Variants in PGM2 observed in about 807,000 individuals in gnomAD.
PGM2 encodes phosphopentomutase.
A neutral mutation model predicts 74.6 loss-of-function variants in PGM2; 57 were observed. That is an observed-to-expected ratio of 0.76 (90% confidence interval 0.62 to 0.95). The LOEUF is 0.95. Ranked by LOEUF, PGM2 falls within the 40% of genes least tolerant of loss-of-function variation. PGM2 has a pLI of 0.00. For synonymous variants in PGM2, 273 were observed against 260.7 expected, an observed-to-expected ratio of 1.05 and a Z score of -0.46; for missense variants, 706 against 741.9, an observed-to-expected ratio of 0.95 and a Z score of 0.56.
intron 2 of PGM2, among the ~76,000 whole-genome samples, chr4:37,832,236 A>G (rs965659578): frequency 6.6e-6 from 1 of 152,238 alleles, no homozygotes; most frequent in African/African-American, 2.4e-5. Flanking sequence ...TGAAGAGTTA[A>G]GAAAGTTTTA....
At chr4:37,837,015 T>C (rs1485589865) in intron 3 of PGM2, among the ~76,000 whole-genome samples, 2 of 152,226 alleles carry the variant, frequency 1.3e-5, no homozygotes, top group Non-Finnish European at 2.9e-5. Context: ...ACTGTTGACA[T>C]GTGACTGCAC....
chr4:37,843,004 T>C (rs750434351), intron 6 of PGM2, among the ~76,000 whole-genome samples: 2 of 152,086 alleles, frequency 1.3e-5, no homozygotes, highest in Non-Finnish European at 1.5e-5. Flanking sequence ...TGCCAGTAAA[T>C]TCTGGTATAT....
rs138782294 is a variant in PGM2, at chr4:37,850,236, A to G, written c.1465A>G (p.Thr489Ala). 99 of 1,583,174 alleles carry G rather than the reference A, an allele frequency of 6.3e-5. No individual in the cohort carries two copies. In the African/African-American group the frequency reaches 1.2e-3, roughly 19 times the overall value. The change falls in exon 12 of 14, where the codon ACC becomes GCC. Residue 489 changes from threonine to alanine, a missense_variant. Coordinates refer to ENST00000381967, the MANE Select transcript of PGM2 (RefSeq NM_018290.4). ...ASYFICHDQE[T>A]IKKLFENLRN... The stretch of plus-strand genomic sequence containing the variant: ...CTATTTTATCTGCCATGATCAAGAA[A>G]CCATTAAGAAATTATTTGAAAACCT...
chr4:37,828,162 T>C (rs1407714108), intron 1 of PGM2, among the ~76,000 whole-genome samples: 1 of 152,176 alleles, frequency 6.6e-6, no homozygotes, highest in Non-Finnish European at 1.5e-5. Flanking sequence ...GATAACCTTG[T>C]GATTCACAAG....
intron 10 of PGM2, among the ~76,000 whole-genome samples, chr4:37,848,019 T>G (rs955906450): frequency 6.6e-6 from 1 of 152,230 alleles, no homozygotes; most frequent in African/African-American, 2.4e-5. Flanking sequence ...TTCCGTAGCT[T>G]TTTATTTTAA....
At chr4:37,842,631 G>T (rs761584372) in intron 6 of PGM2, among the ~76,000 whole-genome samples, 1 of 149,060 alleles carries the variant, frequency 6.7e-6, no homozygotes, top group Non-Finnish European at 1.5e-5. Context: ...TTATATATCA[G>T]ATAACTGCTG....
intron 3 of PGM2, among the ~76,000 whole-genome samples, chr4:37,836,881 G>GTGTGTC (rs1443807989): frequency 6.6e-6 from 1 of 151,780 alleles, no homozygotes; most frequent in Non-Finnish European, 1.5e-5. Flanking sequence ...GTGTGTGTGT[G>GTGTGTC]TATACACACA....
At chr4:37,858,106 T>C (rs1028213653) in intron 13 of PGM2, among the ~76,000 whole-genome samples, 2 of 152,196 alleles carry the variant, frequency 1.3e-5, no homozygotes, top group Non-Finnish European at 2.9e-5. Context: ...TTTAAGGCTT[T>C]ATGGTATTAA....
intron 4 of PGM2, among the ~76,000 whole-genome samples, chr4:37,837,828 T>C (rs1725606660): frequency 6.6e-6 from 1 of 152,216 alleles, no homozygotes; most frequent in Non-Finnish European, 1.5e-5. Flanking sequence ...GGAATTGGTT[T>C]TTTTAAATTG....
intron 12 of PGM2, among the ~76,000 whole-genome samples, chr4:37,854,242 G>A (rs1183937734): frequency 6.6e-6 from 1 of 152,010 alleles, no homozygotes; most frequent in Non-Finnish European, 1.5e-5. Context: ...ATGGAGTTTT[G>A]GGACCTATCA....
chr4:37,839,706 T>C, intron 4 of PGM2, 142 bp from the exon 5 acceptor site: 1 of 698,090 alleles, frequency 1.4e-6, no homozygotes. Flanking sequence ...TGCTGGGGTG[T>C]GGCTCAAAAA....
At position 37,826,700 on chromosome 4, in the gene PGM2, G is replaced by T; in HGVS notation, c.-33G>T. 1 of 1,518,170 alleles carries T rather than the reference G, an allele frequency of 6.6e-7. No individual in the cohort carries two copies. Among genetic ancestry groups the T allele is most frequent in the Non-Finnish European group, 8.9e-7 (1 of 1,117,672 alleles). The allele number at this position is 1,518,170 out of a possible 1,614,324, so 94.0% of individuals were successfully genotyped here. ...GGCCGGAAGGCAGATCTCACCGCCTGCTTCCCTCTGCAGCGGTAGCACAAG... is the reference window on the plus strand; with the variant it reads ...GGCCGGAAGGCAGATCTCACCGCCTTCTTCCCTCTGCAGCGGTAGCACAAG... On this transcript the variant is annotated 5_prime_UTR_variant, in exon 1 of 14. Coordinates refer to ENST00000381967, the MANE Select transcript of PGM2 (RefSeq NM_018290.4).
intron 11 of PGM2, among the ~76,000 whole-genome samples, chr4:37,849,404 CTTTTTTTTTTTTT>C (rs34587864): frequency 3.2e-5 from 2 of 62,802 alleles, no homozygotes; most frequent in Admixed American, 3.6e-4. Flanking sequence ...TGTTGGACCT[CTTTTTTTTTTTTT>C]TTTTTTTTTT....
intron 1 of PGM2, among the ~76,000 whole-genome samples, chr4:37,827,164 C>G (rs1725314694): frequency 1.3e-5 from 2 of 152,254 alleles, no homozygotes; most frequent in South Asian, 4.1e-4. Context: ...AGACCGCTGG[C>G]TCGTCGTCGG....
At chr4:37,851,965 G>T (rs71604093) in intron 12 of PGM2, among the ~76,000 whole-genome samples, 57,915 of 127,688 alleles carry the variant, frequency 0.45, 14,428 homozygotes, top group Non-Finnish European at 0.58. Flanking sequence ...TTGTTTGTTT[G>T]TTTTCTTTTT....
intron 12 of PGM2, among the ~76,000 whole-genome samples, chr4:37,854,881 CTTTA>C (rs1726152116): frequency 6.6e-6 from 1 of 151,896 alleles, no homozygotes; most frequent in South Asian, 2.1e-4. Flanking sequence ...ACTTAATTTT[CTTTA>C]TTTAAAATTA....
At chr4:37,836,877 G>GTGTGTT (rs1369562818) in intron 3 of PGM2, among the ~76,000 whole-genome samples, 2 of 151,988 alleles carry the variant, frequency 1.3e-5, no homozygotes, top group Non-Finnish European at 2.9e-5. Context: ...GTGTGTGTGT[G>GTGTGTT]TGTGTATACA....
At chr4:37,841,290 G>T (rs1725723296) in intron 6 of PGM2, among the ~76,000 whole-genome samples, 1 of 151,424 alleles carries the variant, frequency 6.6e-6, no homozygotes, top group Admixed American at 6.6e-5. Flanking sequence ...TGCTGCACCG[G>T]TGTATTTAAC....
chr4:37,830,650 A>G (rs759837783), intron 2 of PGM2, among the ~76,000 whole-genome samples: 3 of 152,230 alleles, frequency 2.0e-5, no homozygotes, highest in Admixed American at 6.5e-5. Context: ...TTGACAAAAC[A>G]GAAGTGCTTC....
Sources: gnomAD v4.1 joint callset for allele counts (sites outside exome capture counted in the v4.1 genomes callset) on GRCh38, gnomAD v4.1.1 for gene constraint, MANE v1.5 for transcripts, NCBI Gene and HGNC (gene_info 2026-07-23, HGNC 2026-07-21) for gene names.